The following SOX6 variants were observed in gnomAD, a reference collection of about 807,000 sequenced individuals.
SOX6 encodes SRY-box transcription factor 6, also known as transcription factor SOX-6.
In SOX6, 11 loss-of-function variants were observed where a neutral mutation model predicts 97.8. The ratio of observed to expected loss-of-function variants is 0.11; its 90% confidence interval spans 0.07 to 0.19. The LOEUF (loss-of-function observed/expected upper bound fraction) is 0.19. SOX6 is among the 10% of genes least tolerant of loss of function. The probability of loss-of-function intolerance (pLI) is 1.00; values close to 1 mark genes in which losing one functional copy is unlikely to be tolerated. For synonymous variants in SOX6, 360 were observed against 371.4 expected, an observed-to-expected ratio of 0.97 and a Z score of 0.35; for missense variants, 810 against 1,039.5, an observed-to-expected ratio of 0.78 and a Z score of 3.04.
intron 4 of SOX6, among the ~76,000 whole-genome samples, chr11:16,222,418 T>C (rs1852569126): frequency 2.0e-5 from 3 of 152,226 alleles, no homozygotes; most frequent in South Asian, 4.1e-4. Context: ...CTTGCTATAT[T>C]GCCCAGGCTG....
At chr11:16,526,040 T>G (rs1271137000) in intron 4 of SOX6, among the ~76,000 whole-genome samples, 1 of 152,128 alleles carries the variant, frequency 6.6e-6, no homozygotes, top group Admixed American at 6.5e-5. Flanking sequence ...TTGGTGGGAC[T>G]GTAAACTAGT....
At chr11:16,070,522 G>C (rs911338201) in intron 9 of SOX6, among the ~76,000 whole-genome samples, 8 of 152,128 alleles carry the variant, frequency 5.3e-5, no homozygotes, top group Non-Finnish European at 1.0e-4. Flanking sequence ...AAATAATTAA[G>C]AAACAATGTG....
intron 6 of SOX6, among the ~76,000 whole-genome samples, chr11:16,129,193 AC>A (rs112616497): frequency 0.055 from 8,393 of 152,084 alleles, 608 homozygotes; most frequent in East Asian, 0.37. Flanking sequence ...TTAAGGTAAA[AC>A]TTAAATACAA....
chr11:16,495,237 T>C (rs1168783055), intron 4 of SOX6, among the ~76,000 whole-genome samples: 1 of 152,136 alleles, frequency 6.6e-6, no homozygotes, highest in East Asian at 1.9e-4. Flanking sequence ...GCCACCTGTC[T>C]ATAGCTGCTA....
At chr11:16,267,236 C>T (rs1854107429) in intron 3 of SOX6, among the ~76,000 whole-genome samples, 1 of 150,898 alleles carries the variant, frequency 6.6e-6, no homozygotes, top group Non-Finnish European at 1.5e-5. Context: ...ACAAATGAAA[C>T]AATTAACAGA....
At chr11:16,558,624 A>G (rs1256675584) in intron 4 of SOX6, among the ~76,000 whole-genome samples, 3 of 152,012 alleles carry the variant, frequency 2.0e-5, no homozygotes, top group Non-Finnish European at 4.4e-5. Flanking sequence ...AATACGAAGG[A>G]GTTGTACTCT....
chr11:16,510,383 A>G (rs1241961294), intron 4 of SOX6, among the ~76,000 whole-genome samples: 1 of 151,944 alleles, frequency 6.6e-6, no homozygotes, highest in African/African-American at 2.4e-5. Flanking sequence ...ACTTGTATTA[A>G]TTCAGCATCT....
At chr11:16,660,658 G>A (rs2134018865) in intron 3 of SOX6, among the ~76,000 whole-genome samples, 1 of 152,298 alleles carries the variant, frequency 6.6e-6, no homozygotes, top group Non-Finnish European at 1.5e-5. Context: ...CAAGGTGATG[G>A]TACTAGAGGT....
chr11:16,459,880 A>T (rs1034114117), intron 1 of SOX6, among the ~76,000 whole-genome samples: 1 of 151,952 alleles, frequency 6.6e-6, no homozygotes, highest in African/African-American at 2.4e-5. Flanking sequence ...TATAATATGG[A>T]GGGGCACGAA....
At chr11:16,537,188 T>A (rs12287630) in intron 4 of SOX6, among the ~76,000 whole-genome samples, 314 of 152,240 alleles carry the variant, frequency 2.1e-3, no homozygotes, top group Admixed American at 4.9e-3. Flanking sequence ...GCAAACAAGA[T>A]CTGGAGTGGA....
chr11:16,217,706 G>GCATAAGAAC (rs1388700926), intron 4 of SOX6, among the ~76,000 whole-genome samples: 3 of 152,060 alleles, frequency 2.0e-5, no homozygotes, highest in African/African-American at 7.2e-5. Context: ...TATAGTCAAA[G>GCATAAGAAC]ACAGGAGCCA....
At chr11:16,042,591 C>T (rs187360824) in intron 12 of SOX6, among the ~76,000 whole-genome samples, 1 of 152,284 alleles carries the variant, frequency 6.6e-6, no homozygotes, top group East Asian at 1.9e-4. Context: ...GATTTAATTT[C>T]TGTCCTGCTA....
intron 3 of SOX6, among the ~76,000 whole-genome samples, chr11:16,684,727 T>TA (rs1847955632): frequency 6.6e-6 from 1 of 152,000 alleles, no homozygotes; most frequent in Admixed American, 6.6e-5. Flanking sequence ...ACTTAAAGTA[T>TA]AATTTAAAAA....
chr11:16,101,983 C>T (rs1325553383), intron 7 of SOX6, among the ~76,000 whole-genome samples: 1 of 151,686 alleles, frequency 6.6e-6, no homozygotes, highest in Non-Finnish European at 1.5e-5. Context: ...ACAAGGATAC[C>T]CACTTTAACC....
At position 16,737,909 on chromosome 11, in the gene SOX6, A is replaced by C. The variant is rs79246246; in HGVS notation, n.219+516T>G. On this transcript the variant is annotated intron_variant and non_coding_transcript_variant, in intron 1 of 5. Coordinates refer to the SOX6 transcript ENST00000524520. Reference sequence around the variant, plus strand: ...TAACCTCAATAATTACTTTTTTTAAAAAAGAAAAAAAATAGAGGCTTTTGT... The same window carrying C: ...TAACCTCAATAATTACTTTTTTTAACAAAGAAAAAAAATAGAGGCTTTTGT... Among the ~76,000 whole-genome samples the C allele has an allele frequency of 1.6e-3, 248 of 152,210 alleles. 1 individual carries two copies. Among genetic ancestry groups the C allele is most frequent in the Non-Finnish European group, 2.7e-3 (186 of 68,018 alleles).
At chr11:16,704,943 G>C (rs565359353) in intron 3 of SOX6, among the ~76,000 whole-genome samples, 6 of 152,230 alleles carry the variant, frequency 3.9e-5, no homozygotes, top group African/African-American at 1.4e-4. Flanking sequence ...ATATATATTT[G>C]TCATGAAGCA....
chr11:16,534,928 T>A (rs770362779), intron 4 of SOX6, among the ~76,000 whole-genome samples: 7 of 152,220 alleles, frequency 4.6e-5, no homozygotes, highest in Non-Finnish European at 1.0e-4. Flanking sequence ...AATGTCCACA[T>A]AATTGCTGAA....
At chr11:16,025,484 T>C (rs1366158575) in intron 12 of SOX6, among the ~76,000 whole-genome samples, 1 of 152,198 alleles carries the variant, frequency 6.6e-6, no homozygotes, top group East Asian at 1.9e-4. Context: ...ATAAAATTAA[T>C]GACCAGCTAA....
At chr11:16,699,278 C>A (rs1848075721) in intron 3 of SOX6, among the ~76,000 whole-genome samples, 1 of 152,020 alleles carries the variant, frequency 6.6e-6, no homozygotes, top group Non-Finnish European at 1.5e-5. Flanking sequence ...CCAAAAAATT[C>A]TCACCCAGAG....
Sources: allele counts gnomAD v4.1 joint callset (sites outside exome capture counted in the v4.1 genomes callset), GRCh38; gene constraint gnomAD v4.1.1; transcripts MANE v1.5; gene names NCBI Gene and HGNC (gene_info 2026-07-23, HGNC 2026-07-21).